The following C1orf52 variants were observed in gnomAD, a reference collection of about 807,000 sequenced individuals.
C1orf52 encodes chromosome 1 open reading frame 52.
In C1orf52, 5 loss-of-function variants were observed where a neutral mutation model predicts 17.2. The observed-to-expected ratio is 0.29, with a 90% CI of 0.15 to 0.61. The LOEUF (loss-of-function observed/expected upper bound fraction) is 0.61. Among genes scored for constraint, C1orf52 ranks in the 20% least tolerant of loss-of-function variants. The pLI, the probability that C1orf52 is intolerant of heterozygous loss-of-function variation, is 0.85. For synonymous variants in C1orf52, 110 were observed against 88.0 expected, an observed-to-expected ratio of 1.25 and a Z score of -1.40; for missense variants, 245 against 234.1, an observed-to-expected ratio of 1.05 and a Z score of -0.30.
chr1:85,257,507 G>A lies in C1orf52; in HGVS notation c.475+1017C>T, dbSNP rs897218348. 24 of 715,400 alleles carry A rather than the reference G, an allele frequency of 3.4e-5. No individual in the cohort carries two copies. The African/African-American group carries it at 4.0e-4, about 12-fold the overall frequency. The allele number at this position is 715,400 out of a possible 1,614,324, so 44.3% of individuals were successfully genotyped here. On this transcript the variant is annotated intron_variant, in intron 2 of 2. Transcript: ENST00000471115. ...GCCATTAAAAATGACTGTGGACAGG[G>A]AGAAAGGGCCTATTAATACAAGGCC...
chr1:85,252,464 T>TA lies in C1orf52; in HGVS notation c.*164dup. On this transcript the variant is annotated 3_prime_UTR_variant, in exon 3 of 3. Coordinates refer to ENST00000471115, the MANE Select transcript of C1orf52 (RefSeq NM_198077.4). ...GTTTTAAATACATACATGTTTTAAA[T>TA]AAAAAAAGAATTCTATAGTGGAAAG... 1 of 585,546 alleles carries TA rather than the reference T, an allele frequency of 1.7e-6. No individual in the cohort carries two copies. The highest frequency in any genetic ancestry group is 3.0e-6 in the Non-Finnish European group (1 of 334,952). The allele number at this position is 585,546 out of a possible 1,614,324, so 36.3% of individuals were successfully genotyped here.
At chr1:85,259,196 AG>A (rs1268156975) in intron 1 of C1orf52, 161 bp downstream of exon 1, 2 of 978,600 alleles carry the variant, frequency 2.0e-6, no homozygotes, top group Non-Finnish European at 2.7e-6. Flanking sequence ...AGGCGGGGAG[AG>A]GGGGCCAGGT....
intron 1 of C1orf52, chr1:85,259,014 A>G (rs1025810072): frequency 2.3e-6 from 3 of 1,326,656 alleles, no homozygotes; most frequent in Admixed American, 6.7e-5. Context: ...TCTTGGAGGC[A>G]GCACCGCAGG....
intron 2 of C1orf52, among the ~76,000 whole-genome samples, chr1:85,256,892 G>A (rs1659957998): frequency 6.6e-6 from 1 of 151,588 alleles, no homozygotes; most frequent in South Asian, 2.1e-4. Flanking sequence ...GCAAAAAGAT[G>A]CTACTTACTG....
rs1488773171 is a variant in C1orf52, at chr1:85,259,660, T to G, written c.-27A>C. The G allele has an allele frequency of 1.3e-6, 2 of 1,489,914 alleles. No homozygotes were observed. The highest frequency in any genetic ancestry group is 1.8e-6 in the Non-Finnish European group (2 of 1,116,918). The allele number at this position is 1,489,914 out of a possible 1,614,324, so 92.3% of individuals were successfully genotyped here. A position where few individuals can be genotyped will look rare whatever the true frequency, so the allele number is the denominator to read the frequency against. On this transcript the variant is annotated 5_prime_UTR_variant, in exon 1 of 3. Transcript: ENST00000471115. Reference sequence around the variant, plus strand: ...ACGGCTGCGAGCGACAACCCAGCACTCCGCCGGAAGCCGGAAACCGGAAAC... The same window carrying G: ...ACGGCTGCGAGCGACAACCCAGCACGCCGCCGGAAGCCGGAAACCGGAAAC...
Position 85,252,007 on chromosome 1 carries a change from A to G in C1orf52, c.*622T>C, listed in dbSNP as rs1406070612. 1 of 152,218 alleles carries G rather than the reference A, an allele frequency of 6.6e-6. No homozygotes were observed. Among genetic ancestry groups the G allele is most frequent in the African/African-American group, 2.4e-5 (1 of 41,450 alleles). 9.4% of individuals were successfully genotyped at this position (152,218 alleles called of 1,614,324 possible). A position where few individuals can be genotyped will look rare whatever the true frequency, so the allele number is the denominator to read the frequency against. On this transcript the variant is annotated 3_prime_UTR_variant, in exon 3 of 3. Transcript: ENST00000471115. ...CTACTCAAGCACTCTTTATTATAAA[A>G]TGAGAATACTAATAATACCTTGCGC...
chr1:85,253,396 A>C (rs1198087569), intron 2 of C1orf52, among the ~76,000 whole-genome samples: 3 of 151,998 alleles, frequency 2.0e-5, no homozygotes, highest in Admixed American at 6.6e-5. Context: ...CTTCTGCCCC[A>C]TCACCTTCTC....
rs897331958 is a variant in C1orf52 at position 85,251,347 on chromosome 1, G to C, written c.*1282C>G. ...ATTACAAGCATAAGCCACCATGCTT[G>C]GCTGTCTTGTTCTTATACACTGAAT... is the stretch of plus-strand genomic sequence containing the variant. On this transcript the variant is annotated 3_prime_UTR_variant, in exon 3 of 3. Transcript: ENST00000471115. 3 of 152,108 alleles carry C rather than the reference G, an allele frequency of 2.0e-5. No homozygotes were observed. Among genetic ancestry groups the C allele is most frequent in the Admixed American group, 1.3e-4 (2 of 15,258 alleles). 9.4% of individuals were successfully genotyped at this position (152,108 alleles called of 1,614,324 possible). A position where few individuals can be genotyped will look rare whatever the true frequency, so the allele number is the denominator to read the frequency against.
rs1015780539 is a variant in C1orf52 at position 85,252,504 on chromosome 1, C to G, written c.*125G>C. The G allele has an allele frequency of 2.7e-6, 2 of 734,060 alleles. No homozygotes were observed. Among genetic ancestry groups the G allele is most frequent in the Non-Finnish European group, 4.6e-6 (2 of 432,620 alleles). The allele number at this position is 734,060 out of a possible 1,614,324, so 45.5% of individuals were successfully genotyped here. Reference sequence around the variant, plus strand: ...ATAGTGGAAAGTTCTTGAGGCAATACTTATTAGTTCATTAACGTATGCATT... The same window carrying G: ...ATAGTGGAAAGTTCTTGAGGCAATAGTTATTAGTTCATTAACGTATGCATT... On this transcript the variant is annotated 3_prime_UTR_variant, in exon 3 of 3. Coordinates refer to ENST00000471115, the MANE Select transcript of C1orf52 (RefSeq NM_198077.4).
At chr1:85,258,746 G>T (rs781218106) in intron 1 of C1orf52, 24 bp from the exon 2 acceptor site, 2 of 1,573,306 alleles carry the variant, frequency 1.3e-6, no homozygotes, top group Non-Finnish European at 1.7e-6. Flanking sequence ...ACATTAAGAA[G>T]CACTGTGACG....
intron 2 of C1orf52, among the ~76,000 whole-genome samples, chr1:85,256,717 T>TGAACCCGGGAGGCGGAGC (rs1213229147): frequency 7.1e-6 from 1 of 141,376 alleles, no homozygotes; most frequent in Non-Finnish European, 1.5e-5. Flanking sequence ...GAGAATGGCG[T>TGAACCCGGGAGGCGGAGC]GAACCCGGGA....
intron 2 of C1orf52, among the ~76,000 whole-genome samples, chr1:85,256,429 TC>T (rs1659937590): frequency 6.6e-6 from 1 of 152,252 alleles, no homozygotes; most frequent in South Asian, 2.1e-4. Context: ...ATGTAAGCTA[TC>T]ATTTCCACAT....
chr1:85,259,398 T>C lies in C1orf52; in HGVS notation c.236A>G (p.Gln79Arg). The C allele has an allele frequency of 6.2e-7, 1 of 1,613,968 alleles. No homozygotes were observed. The highest frequency in any genetic ancestry group is 8.5e-7 in the Non-Finnish European group (1 of 1,179,922). The part of the protein sequence containing the change: ...PAFLYNPLNK[Q>R]IDWERHVVKA... ...GACGACGTGCCTCTCCCAGTCTATCTGTTTGTTGAGCGGATTGTAGAGAAA... is the reference window on the plus strand; with the variant it reads ...GACGACGTGCCTCTCCCAGTCTATCCGTTTGTTGAGCGGATTGTAGAGAAA... The change falls in exon 1 of 3, where the codon CAG becomes CGG. Residue 79 changes from glutamine (Q) to arginine (R), a missense_variant. By Grantham distance (43) the Gln-to-Arg change is conservative. Coordinates refer to ENST00000471115, the MANE Select transcript of C1orf52 (RefSeq NM_198077.4).
chr1:85,254,153 C>A (rs1465183329), intron 2 of C1orf52, among the ~76,000 whole-genome samples: 2 of 151,876 alleles, frequency 1.3e-5, no homozygotes, highest in African/African-American at 4.8e-5. Flanking sequence ...TTTATTGATG[C>A]AGATAACAAT....
Position 85,252,671 on chromosome 1 carries a change from C to G in C1orf52, c.507G>C (p.Lys169Asn), listed in dbSNP as rs1276377827. ...CTGGTTCTCCTGGCTCTACTTTGCG[C>G]TTTTTAGAAGTATGCTCATCTTTTT... is the stretch of plus-strand genomic sequence containing the variant. ...DDEKDEHTSKKRKVEPGEPAK... is the reference protein window; with the variant it reads ...DDEKDEHTSKNRKVEPGEPAK... The change falls in exon 3 of 3, where the codon AAG becomes AAC. Residue 169 changes from lysine (K) to asparagine (N), a missense_variant. Transcript: ENST00000471115. 1.2e-6 allele frequency: 2 copies of G among 1,613,184 alleles called. No homozygotes were observed. The highest frequency in any genetic ancestry group is 2.7e-5 in the African/African-American group (2 of 74,870).
rs1209402937 is a variant in C1orf52, at chr1:85,252,611, A to T, written c.*18T>A. The stretch of plus-strand genomic sequence containing the variant: ...ATTTCAACAAGTTTAGCAGTACAGA[A>T]ATTCTGGTCATTTGTTTCTACTTTT... On this transcript the variant is annotated 3_prime_UTR_variant, in exon 3 of 3. Transcript: ENST00000471115. The T allele has an allele frequency of 1.9e-6, 3 of 1,609,146 alleles. No individual in the cohort carries two copies. Among genetic ancestry groups the T allele is most frequent in the Middle Eastern group, 1.7e-4 (1 of 6,050 alleles).
At chr1:85,256,798 C>CA (rs1159075154) in intron 2 of C1orf52, among the ~76,000 whole-genome samples, 77 of 93,690 alleles carry the variant, frequency 8.2e-4, no homozygotes, top group South Asian at 3.4e-3. Context: ...GACTCCGCCT[C>CA]AAAAAAAAAA....
rs972466427 is a variant in C1orf52, at chr1:85,259,612, G to A, written c.22C>T (p.Pro8Ser). 1.2e-5 allele frequency: 19 copies of A among 1,571,518 alleles called. No individual in the cohort carries two copies. The highest frequency in any genetic ancestry group is 4.1e-5 in the African/African-American group (3 of 73,822). The change falls in exon 1 of 3, where the codon CCT (proline) becomes TCT (serine). Residue 8 changes from proline to serine, a missense_variant. By Grantham distance (74) the Pro-to-Ser change is moderately conservative. Coordinates refer to ENST00000471115, the MANE Select transcript of C1orf52 (RefSeq NM_198077.4). ...CCGTATGCCGCAAAATAGCTCAGAG[G>A]GTCCTTCTCCTCCGCTGCCATGACG... Reference protein sequence around the residue: MAAEEKDPLSYFAAYGSS... With the variant: MAAEEKDSLSYFAAYGSS...
At chr1:85,253,472 T>C (rs1659850919) in intron 2 of C1orf52, among the ~76,000 whole-genome samples, 1 of 152,144 alleles carries the variant, frequency 6.6e-6, no homozygotes, top group Admixed American at 6.6e-5. Context: ...CAAACCTCTA[T>C]TTGGAATTTT....
Sources: allele counts gnomAD v4.1 joint callset (sites outside exome capture counted in the v4.1 genomes callset), GRCh38; gene constraint gnomAD v4.1.1; transcripts MANE v1.5; gene names NCBI Gene and HGNC (gene_info 2026-07-23, HGNC 2026-07-21).